The following SLC41A1 variants were observed in gnomAD, a reference collection of about 807,000 sequenced individuals.
The protein encoded by SLC41A1 is solute carrier family 41 (magnesium transporter), member 1.
Under a neutral mutation model 47.3 loss-of-function variants are expected in SLC41A1, and 20 were observed. That is an observed-to-expected ratio of 0.42 (90% CI 0.30 to 0.61). SLC41A1 has a LOEUF of 0.61. SLC41A1 is among the 20% of genes least tolerant of loss of function. The pLI is 0.17. For synonymous variants in SLC41A1, 282 were observed against 272.7 expected (o/e 1.03, Z -0.34); for missense variants, 504 against 674.1 (o/e 0.75, Z 2.79).
intron 1 of SLC41A1, among the ~76,000 whole-genome samples, chr1:205,812,124 T>A (rs1014910280): frequency 2.6e-5 from 4 of 152,234 alleles, no homozygotes; most frequent in Admixed American, 2.6e-4. Flanking sequence ...GGCTTCCTAA[T>A]TCCTGATGGA....
chr1:205,806,898 T>G (rs1399107578), intron 2 of SLC41A1, among the ~76,000 whole-genome samples: 11 of 152,008 alleles, frequency 7.2e-5, no homozygotes, highest in Admixed American at 5.2e-4. Flanking sequence ...TTGCATCTCG[T>G]TGGTGAAAAA....
intron 4 of SLC41A1, 134 bp downstream of exon 4, chr1:205,799,625 G>A: frequency 1.0e-6 from 1 of 976,486 alleles, no homozygotes; most frequent in African/African-American, 1.6e-5. Context: ...ACCTCCTAGA[G>A]CTACTCTGGG....
At chr1:205,796,301 A>C (rs1213713240) in intron 8 of SLC41A1, 4 of 165,918 alleles carry the variant, frequency 2.4e-5, no homozygotes, top group Admixed American at 5.6e-5. Context: ...TATGGTTTGA[A>C]TATAGTTTGT....
chr1:205,795,754 A>G, intron 8 of SLC41A1: 1 of 535,778 alleles, frequency 1.9e-6, no homozygotes, highest in Non-Finnish European at 3.4e-6. Flanking sequence ...CAAAGCTGTG[A>G]CAGTGCCGGA....
chr1:205,805,586 T>C (rs1274457603), intron 2 of SLC41A1, among the ~76,000 whole-genome samples: 1 of 152,170 alleles, frequency 6.6e-6, no homozygotes, highest in Non-Finnish European at 1.5e-5. Context: ...AGTGCTGCCC[T>C]GCTTGGAGGT....
At chr1:205,809,586 CTTAAT>C (rs1405682875) in intron 2 of SLC41A1, among the ~76,000 whole-genome samples, 2 of 152,204 alleles carry the variant, frequency 1.3e-5, no homozygotes, top group African/African-American at 2.4e-5. Context: ...AGCCTTCCTA[CTTAAT>C]TTGAGACCCT....
chr1:205,809,305 C>T (rs1396027693), intron 2 of SLC41A1, among the ~76,000 whole-genome samples: 1 of 152,162 alleles, frequency 6.6e-6, no homozygotes, highest in East Asian at 1.9e-4. Context: ...CATGTCCCAC[C>T]GACTCTCATC....
chr1:205,799,156 T>G, intron 4 of SLC41A1, 55 bp from the exon 5 acceptor site: 1 of 1,609,180 alleles, frequency 6.2e-7, no homozygotes, highest in South Asian at 1.1e-5. Context: ...CTTCCTAAGC[T>G]GAGGTCATAA....
At chr1:205,809,131 C>A (rs540691251) in intron 2 of SLC41A1, among the ~76,000 whole-genome samples, 2 of 152,198 alleles carry the variant, frequency 1.3e-5, no homozygotes, top group Non-Finnish European at 2.9e-5. Context: ...ATACACATTG[C>A]TGAATTACTT....
At chr1:205,795,908 C>T (rs1655739270) in intron 8 of SLC41A1, 2 of 305,628 alleles carry the variant, frequency 6.5e-6, no homozygotes, top group Non-Finnish European at 1.3e-5. Flanking sequence ...TGAGCAGACC[C>T]AGGCATCCTA....
chr1:205,794,764 A>C, intron 10 of SLC41A1, 106 bp downstream of exon 10: 1 of 1,457,194 alleles, frequency 6.9e-7, no homozygotes, highest in Non-Finnish European at 9.4e-7. Flanking sequence ...GCCCTGACAC[A>C]GAGAAAGAGG....
rs369296885 is a variant in SLC41A1, at chr1:205,791,518, T to C, written c.*15A>G. On this transcript the variant is annotated 3_prime_UTR_variant, in exon 11 of 11. Transcript: ENST00000367137. This position sits in a 1 kb window ranked among gnomAD's most constrained non-coding sequence, Gnocchi z 4.0. The stretch of plus-strand genomic sequence containing the variant: ...AGAAAGTGCAGAGGGATGGGGAAAA[T>C]GTTGAGTGACCAAGCTAGTCCCCGA... 71 of 1,613,214 alleles carry C rather than the reference T, an allele frequency of 4.4e-5. No individual in the cohort carries two copies. Among genetic ancestry groups the C allele is most frequent in the Non-Finnish European group, 5.9e-5 (70 of 1,179,804 alleles).
chr1:205,796,795 G>A, intron 8 of SLC41A1, 129 bp downstream of exon 8: 1 of 910,182 alleles, frequency 1.1e-6, no homozygotes, highest in Non-Finnish European at 1.7e-6. Flanking sequence ...TTAAGGTCTT[G>A]AACCATCTGA....
intron 2 of SLC41A1, among the ~76,000 whole-genome samples, chr1:205,801,783 C>T (rs1655886271): frequency 6.6e-6 from 1 of 152,238 alleles, no homozygotes; most frequent in Non-Finnish European, 1.5e-5. Context: ...CCAAGACAAT[C>T]AATCCTGGCT....
At chr1:205,803,549 C>A (rs1655939389) in intron 2 of SLC41A1, among the ~76,000 whole-genome samples, 1 of 151,196 alleles carries the variant, frequency 6.6e-6, no homozygotes, top group African/African-American at 2.4e-5. Flanking sequence ...ACCTTGAGGA[C>A]ATTACTCTAG....
At chr1:205,800,718 T>C (rs754808081) in intron 3 of SLC41A1, among the ~76,000 whole-genome samples, 2 of 152,050 alleles carry the variant, frequency 1.3e-5, no homozygotes, top group African/African-American at 2.4e-5. Context: ...CAGGGGTGGC[T>C]GGGACATCCA....
chr1:205,794,011 A>G (rs1227992291), intron 10 of SLC41A1, among the ~76,000 whole-genome samples: 1 of 152,220 alleles, frequency 6.6e-6, no homozygotes, highest in Non-Finnish European at 1.5e-5. Flanking sequence ...AAATGTAATA[A>G]TAAGGGTGGA....
intron 8 of SLC41A1, chr1:205,795,772 C>A: frequency 1.0e-5 from 5 of 491,248 alleles, no homozygotes; most frequent in Middle Eastern, 5.7e-4. Context: ...GGAAAGGATA[C>A]GTGCAGATCT....
At position 205,798,766 on chromosome 1, in the gene SLC41A1, G is replaced by A. The variant is rs753476016; in HGVS notation, c.747C>T (p.Asn249=). The part of the protein sequence containing the change: ...VIIGSRKIGI[N]PDNVATPIAA... ...CAATGGGTGTGGCCACGTTGTCTGGGTTGATCCCAATCTTGCGAGAGCCAA... is the reference window on the plus strand; with the variant it reads ...CAATGGGTGTGGCCACGTTGTCTGGATTGATCCCAATCTTGCGAGAGCCAA... The change falls in exon 6 of 11, where the codon AAC becomes AAT. Residue 249 remains asparagine, a synonymous_variant. Coordinates refer to ENST00000367137, the MANE Select transcript of SLC41A1 (RefSeq NM_173854.6). The A allele has an allele frequency of 5.0e-6, 8 of 1,614,134 alleles. No homozygotes were observed. In the Admixed American group the frequency reaches 6.7e-5, roughly 13 times the overall value.
Sources: allele counts gnomAD v4.1 joint callset (sites outside exome capture counted in the v4.1 genomes callset), GRCh38; gene constraint gnomAD v4.1.1; non-coding constraint Gnocchi (gnomAD v3.1); transcripts MANE v1.5; gene names NCBI Gene and HGNC (gene_info 2026-07-23, HGNC 2026-07-21).